The following NRM variants were observed in gnomAD, a reference collection of about 807,000 sequenced individuals.
NRM encodes nuclear rim protein.
In NRM, 19 loss-of-function variants were observed where a neutral mutation model predicts 23.4. The ratio of observed to expected loss-of-function variants is 0.81; its 90% CI spans 0.57 to 1.19. The LOEUF is 1.19. Ranked by LOEUF, NRM falls within the 50% of genes most tolerant of loss-of-function variation. The pLI, the probability that NRM is intolerant of heterozygous loss-of-function variation, is 0.00. For synonymous variants in NRM, 140 were observed against 143.5 expected (o/e 0.98, Z 0.17); for missense variants, 232 against 329.7 (o/e 0.70, Z 2.30).
Position 30,690,855 on chromosome 6 carries a change from C to T in NRM, c.120G>A (p.Glu40=). The part of the protein sequence containing the change: ...SLRPLLGGIP[E]SGGPDARQGW... ...CCTCCCGCTCACCCGGACCACCAGA[C>T]TCCGGGATCCCTCCAAGAAGTGGCC... is the stretch of plus-strand genomic sequence containing the variant. Residue 40 remains glutamate (E), a synonymous_variant, in exon 1 of 4, where the codon GAG becomes GAA. Transcript: ENST00000376421. This position sits in a 1 kb window ranked among gnomAD's most constrained non-coding sequence, Gnocchi z 5.5. 6.2e-7 allele frequency: 1 copy of T among 1,613,122 alleles called. No homozygotes were observed. Among genetic ancestry groups the T allele is most frequent in the Admixed American group, 1.7e-5 (1 of 60,026 alleles).
chr6:30,689,523 T>C lies in NRM; in HGVS notation c.331-71A>G, dbSNP rs1046222543. 21 of 1,435,342 alleles carry C rather than the reference T, an allele frequency of 1.5e-5. No homozygotes were observed. In the African/African-American group the frequency reaches 3.0e-4, roughly 21 times the overall value. 88.9% of individuals were successfully genotyped at this position (1,435,342 alleles called of 1,614,324 possible). On this transcript the variant is annotated intron_variant, in intron 2 of 3. Transcript: ENST00000376421. The surrounding 1 kb of genome is among the most constrained non-coding windows in gnomAD (Gnocchi z 4.7). ...CGACCTTGGGAGACCCAGACCCAGA[T>C]CTGCCCCCACCACAGGCTAGCCTGC...
rs1316338871 is a variant in NRM, at chr6:30,690,380, T to G, written c.134-137A>C. ...GCCTTAATGCTTCCTCTCTAGGCTG[T>G]GCCCATCTCACTTTTCCATCCCTAG... On this transcript the variant is annotated intron_variant, in intron 1 of 3. Coordinates refer to ENST00000376421, the MANE Select transcript of NRM (RefSeq NM_001384369.1). This position sits in a 1 kb window ranked among gnomAD's most constrained non-coding sequence, Gnocchi z 5.5. The G allele has an allele frequency of 8.6e-6, 9 of 1,046,002 alleles. No homozygotes were observed. The African/African-American group carries it at 1.4e-4, about 17-fold the overall frequency. The allele number at this position is 1,046,002 out of a possible 1,614,324, so 64.8% of individuals were successfully genotyped here.
rs1049838939 is a variant in NRM at position 30,689,138 on chromosome 6, G to A, written c.507+138C>T. On this transcript the variant is annotated intron_variant, in intron 3 of 3. Transcript: ENST00000376421. The surrounding 1 kb of genome is among the most constrained non-coding windows in gnomAD (Gnocchi z 4.7). ...GGAGGCCCATGCTTGCTGCCCTTAC[G>A]AGGGAAAGTCAAAGGGAAGGGCCAC... is the stretch of plus-strand genomic sequence containing the variant. 5 of 1,089,708 alleles carry A rather than the reference G, an allele frequency of 4.6e-6. No homozygotes were observed. Among genetic ancestry groups the A allele is most frequent in the Non-Finnish European group, 6.4e-6 (5 of 776,090 alleles). 67.5% of individuals were successfully genotyped at this position (1,089,708 alleles called of 1,614,324 possible). A position where few individuals can be genotyped will look rare whatever the true frequency, so the allele number is the denominator to read the frequency against.
chr6:30,691,005 G>A (rs776049502), upstream of NRM: 2 of 1,568,730 alleles, frequency 1.3e-6, no homozygotes, highest in Non-Finnish European at 1.7e-6. Flanking sequence ...GGAAAGGGGC[G>A]GGGTCGGGAT....
chr6:30,690,968 G>A lies in NRM; in HGVS notation c.7C>T (p.Pro3Ser). 6.2e-7 allele frequency: 1 copy of A among 1,611,928 alleles called. No individual in the cohort carries two copies. Among genetic ancestry groups the A allele is most frequent in the Non-Finnish European group, 8.5e-7 (1 of 1,179,402 alleles). The change falls in exon 1 of 4, where the codon CCT becomes TCT. Residue 3 changes from proline (P) to serine (S), a missense_variant. By Grantham distance (74) the Pro-to-Ser change is moderately conservative (BLOSUM62 -1). Coordinates refer to ENST00000376421, the MANE Select transcript of NRM (RefSeq NM_001384369.1). The surrounding 1 kb of genome is among the most constrained non-coding windows in gnomAD (Gnocchi z 5.5). MA[P>S]ALLLIPAALA... ...GCAGCAGGGATCAGGAGCAGTGCAG[G>A]GGCCATGGCGAGAAATGGAGGGGTG...
Position 30,690,952 on chromosome 6 carries a change from A to T in NRM, c.23T>A (p.Ile8Asn). ...GATGAAAGAGGCGAGGGCAGCAGGGATCAGGAGCAGTGCAGGGGCCATGGC... is the reference window on the plus strand; with the variant it reads ...GATGAAAGAGGCGAGGGCAGCAGGGTTCAGGAGCAGTGCAGGGGCCATGGC... MAPALLL[I>N]PAALASFILA... The change falls in exon 1 of 4, where the codon ATC becomes AAC. Residue 8 changes from isoleucine (I) to asparagine (N), a missense_variant. By Grantham distance (149) the Ile-to-Asn change is moderately radical. Coordinates refer to ENST00000376421, the MANE Select transcript of NRM (RefSeq NM_001384369.1). This position sits in a 1 kb window ranked among gnomAD's most constrained non-coding sequence, Gnocchi z 5.5. 6.2e-7 allele frequency: 1 copy of T among 1,611,330 alleles called. No individual in the cohort carries two copies. The highest frequency in any genetic ancestry group is 1.7e-4 in the Middle Eastern group (1 of 6,052).
Position 30,688,426 on chromosome 6 carries a change from C to G in NRM, c.*235G>C. 1 of 599,138 alleles carries G rather than the reference C, an allele frequency of 1.7e-6. No individual in the cohort carries two copies. The highest frequency in any genetic ancestry group is 2.0e-5 in the South Asian group (1 of 48,818). The allele number at this position is 599,138 out of a possible 1,614,324, so 37.1% of individuals were successfully genotyped here. A position where few individuals can be genotyped will look rare whatever the true frequency, so the allele number is the denominator to read the frequency against. On this transcript the variant is annotated 3_prime_UTR_variant, in exon 4 of 4. Transcript: ENST00000376421. This position sits in a 1 kb window ranked among gnomAD's most constrained non-coding sequence, Gnocchi z 5.9. Reference sequence around the variant, plus strand: ...CTCTAAACAGTGAAGGGACAGATGACTTCCATACCCCACTCTTCCTTGCTG... The same window carrying G: ...CTCTAAACAGTGAAGGGACAGATGAGTTCCATACCCCACTCTTCCTTGCTG...
Position 30,688,715 on chromosome 6 carries a change from C to G in NRM, c.735G>C (p.Gln245His), listed in dbSNP as rs1771218541. Residue 245 changes from glutamine (Q) to histidine (H), a missense_variant, in exon 4 of 4, where the codon CAG becomes CAC. Gln to His is a conservative substitution (Grantham distance 24). Coordinates refer to ENST00000376421, the MANE Select transcript of NRM (RefSeq NM_001384369.1). The surrounding 1 kb of genome is among the most constrained non-coding windows in gnomAD (Gnocchi z 5.9). ...DQQDLRYLRA[Q>H]LQRKLHLLSR... ...AGAGCAGGTGGAGTTTTCTTTGTAG[C>G]TGGGCCCGGAGGTAGCGGAGGTCTT... 1.2e-6 allele frequency: 2 copies of G among 1,613,994 alleles called. No homozygotes were observed. The highest frequency in any genetic ancestry group is 2.2e-5 in the East Asian group (1 of 44,848).
chr6:30,690,092 G>A lies in NRM; in HGVS notation c.285C>T (p.Val95=), dbSNP rs756839908. Residue 95 remains valine (V), a synonymous_variant, in exon 2 of 4, where the codon GTC becomes GTT. Coordinates refer to ENST00000376421, the MANE Select transcript of NRM (RefSeq NM_001384369.1). The surrounding 1 kb of genome is among the most constrained non-coding windows in gnomAD (Gnocchi z 5.5). The part of the protein sequence containing the change: ...VKAWTSRYFG[V]LQRSLYVACT... Reference sequence around the variant, plus strand: ...AGGCCACATACAGTGACCTCTGAAGGACCCCAAAGTACCGGGATGTCCATG... The same window carrying A: ...AGGCCACATACAGTGACCTCTGAAGAACCCCAAAGTACCGGGATGTCCATG... The A allele has an allele frequency of 1.2e-6, 2 of 1,612,672 alleles. No homozygotes were observed. The highest frequency in any genetic ancestry group is 3.3e-5 in the Admixed American group (2 of 59,926).
At position 30,689,405 on chromosome 6, in the gene NRM, C is replaced by T; in HGVS notation, c.378G>A (p.Trp126Ter). 6.4e-7 allele frequency: 1 copy of T among 1,573,054 alleles called. No individual in the cohort carries two copies. The highest frequency in any genetic ancestry group is 1.8e-5 in the Admixed American group (1 of 54,236). ...WEPIPKGPVL[W>*]EARAEPWATW... is the part of the protein sequence containing the mutation. Reference sequence around the variant, plus strand: ...TGGCCCATGGCTCAGCCCGAGCCTCCCACAACACAGGGCCTTTGGGTATGG... The same window carrying T: ...TGGCCCATGGCTCAGCCCGAGCCTCTCACAACACAGGGCCTTTGGGTATGG... Residue 126 changes from tryptophan (W) to a stop codon, truncating the protein, a stop_gained, in exon 3 of 4, where the codon TGG becomes TGA. Coordinates refer to ENST00000376421, the MANE Select transcript of NRM (RefSeq NM_001384369.1). LOFTEE classifies it high-confidence loss of function. The surrounding 1 kb of genome is among the most constrained non-coding windows in gnomAD (Gnocchi z 4.7).
In NRM at chr6:30,688,621, T is replaced by C. The variant is rs2249059; in HGVS notation, c.*40A>G. On this transcript the variant is annotated 3_prime_UTR_variant, in exon 4 of 4. Coordinates refer to ENST00000376421, the MANE Select transcript of NRM (RefSeq NM_001384369.1). The surrounding 1 kb of genome is among the most constrained non-coding windows in gnomAD (Gnocchi z 5.9). ...TGGATGTTAAGGATTTAGAATTCAG[T>C]GGGAGAGGAAGAACAGGGCTTGTAA... is the stretch of plus-strand genomic sequence containing the variant. 0.015 allele frequency: 23,978 copies of C among 1,592,890 alleles called. 403 individuals are homozygous for C. Among genetic ancestry groups the C allele is most frequent in the East Asian group, 0.076 (3,401 of 44,632 alleles).
Position 30,688,887 on chromosome 6 carries a change from GC to G in NRM, c.562del (p.Ala188LeufsTer17). On this transcript the variant is annotated frameshift_variant, in exon 4 of 4. Coordinates refer to ENST00000376421, the MANE Select transcript of NRM (RefSeq NM_001384369.1). LOFTEE classifies it high-confidence loss of function. The surrounding 1 kb of genome is among the most constrained non-coding windows in gnomAD (Gnocchi z 5.9). ...GCGCAGGTGGGAGAAGAGTCTGAGAGCCCGGGGAGACTTCAGGGCCAGAGGC... is the reference window on the plus strand; with the variant it reads ...GCGCAGGTGGGAGAAGAGTCTGAGAGCCGGGGAGACTTCAGGGCCAGAGGC... Reference protein sequence around the residue: ...GEPLALKSPRALRLFSHLRHP... With the variant: ...GEPLALKSPRXLRLFSHLRHP... The G allele has an allele frequency of 6.2e-7, 1 of 1,613,854 alleles. No homozygotes were observed. Among genetic ancestry groups the G allele is most frequent in the Non-Finnish European group, 8.5e-7 (1 of 1,179,980 alleles).
Position 30,688,661 on chromosome 6 carries a change from T to C in NRM, c.789A>G (p.Ter263TrpextTer17). ...LSRPQDGEAE* is the reference protein window; with the variant it reads ...LSRPQDGEAEW ...AGGGCTTGTAACCAGAGTGAGCTCC[T>C]CACTCTGCCTCCCCATCCTGGGGCC... The change falls in exon 4 of 4, where the codon TGA becomes TGG. Residue 263 changes from the stop codon to tryptophan, a stop_lost. Coordinates refer to ENST00000376421, the MANE Select transcript of NRM (RefSeq NM_001384369.1). This position sits in a 1 kb window ranked among gnomAD's most constrained non-coding sequence, Gnocchi z 5.9. 1.2e-6 allele frequency: 2 copies of C among 1,613,270 alleles called. No individual in the cohort carries two copies. Among genetic ancestry groups the C allele is most frequent in the Non-Finnish European group, 1.7e-6 (2 of 1,179,536 alleles).
Position 30,690,569 on chromosome 6 carries a change from A to G in NRM, c.133+273T>C. On this transcript the variant is annotated intron_variant, in intron 1 of 3. Coordinates refer to ENST00000376421, the MANE Select transcript of NRM (RefSeq NM_001384369.1). This position sits in a 1 kb window ranked among gnomAD's most constrained non-coding sequence, Gnocchi z 5.5. ...TTCTTTTTAACACTCTCCTCTCAAC[A>G]GTCCTCTCTACAAAACACTTTACTT... 6.5e-7 allele frequency: 1 copy of G among 1,542,808 alleles called. No individual in the cohort carries two copies. Among genetic ancestry groups the G allele is most frequent in the Non-Finnish European group, 8.8e-7 (1 of 1,142,466 alleles).
chr6:30,688,470 A>G lies in NRM; in HGVS notation c.*191T>C, dbSNP rs1771181453. 4.7e-6 allele frequency: 3 copies of G among 644,732 alleles called. No individual in the cohort carries two copies. Among genetic ancestry groups the G allele is most frequent in the Non-Finnish European group, 8.0e-6 (3 of 376,810 alleles). The allele number at this position is 644,732 out of a possible 1,614,324, so 39.9% of individuals were successfully genotyped here. ...CTTGCTGGTGAGAAGTGGACCTTGG[A>G]GTTCAGTGGCTGAAACTCAGAATTT... On this transcript the variant is annotated 3_prime_UTR_variant, in exon 4 of 4. Coordinates refer to ENST00000376421, the MANE Select transcript of NRM (RefSeq NM_001384369.1). This position sits in a 1 kb window ranked among gnomAD's most constrained non-coding sequence, Gnocchi z 5.9.
rs2249059 is a variant in NRM, at chr6:30,688,621, T to G, written c.*40A>C. 19,347 of 1,592,882 alleles carry G rather than the reference T, an allele frequency of 0.012. 321 individuals are homozygous for G. The highest frequency in any genetic ancestry group is 0.073 in the African/African-American group (5,460 of 74,364). On this transcript the variant is annotated 3_prime_UTR_variant, in exon 4 of 4. Coordinates refer to ENST00000376421, the MANE Select transcript of NRM (RefSeq NM_001384369.1). This position sits in a 1 kb window ranked among gnomAD's most constrained non-coding sequence, Gnocchi z 5.9. ...TGGATGTTAAGGATTTAGAATTCAG[T>G]GGGAGAGGAAGAACAGGGCTTGTAA...
chr6:30,689,439 T>C lies in NRM; in HGVS notation c.344A>G (p.Tyr115Cys). Reference sequence around the variant, plus strand: ...AGGGCCTTTGGGTATGGGCTCCCAGTACCGCATCACCAGCTGTGGAAGGAT... The same window carrying C: ...AGGGCCTTTGGGTATGGGCTCCCAGCACCGCATCACCAGCTGTGGAAGGAT... ...TALALQLVMR[Y>C]WEPIPKGPVL... Residue 115 changes from tyrosine (Y) to cysteine (C), a missense_variant, in exon 3 of 4, where the codon TAC (tyrosine) becomes TGC (cysteine). Coordinates refer to ENST00000376421, the MANE Select transcript of NRM (RefSeq NM_001384369.1). This position sits in a 1 kb window ranked among gnomAD's most constrained non-coding sequence, Gnocchi z 4.7. The C allele has an allele frequency of 6.3e-7, 1 of 1,574,970 alleles. No individual in the cohort carries two copies.
rs546598428 is a variant in NRM at position 30,689,559 on chromosome 6, C to G, written c.331-107G>C. 4.5e-6 allele frequency: 5 copies of G among 1,111,218 alleles called. No homozygotes were observed. Among genetic ancestry groups the G allele is most frequent in the African/African-American group, 3.2e-5 (2 of 62,888 alleles). 68.8% of individuals were successfully genotyped at this position (1,111,218 alleles called of 1,614,324 possible). The stretch of plus-strand genomic sequence containing the variant: ...CACAGGCTAGCCTGCAACTCTCCCC[C>G]ACCTCTCTCCTAAGCATCACCACCA... On this transcript the variant is annotated intron_variant, in intron 2 of 3. Transcript: ENST00000376421. This position sits in a 1 kb window ranked among gnomAD's most constrained non-coding sequence, Gnocchi z 4.7.
At position 30,688,569 on chromosome 6, in the gene NRM, G is replaced by A. The variant is rs1159268578; in HGVS notation, c.*92C>T. 7.1e-7 allele frequency: 1 copy of A among 1,410,358 alleles called. No homozygotes were observed. Among genetic ancestry groups the A allele is most frequent in the Non-Finnish European group, 9.8e-7 (1 of 1,025,210 alleles). The allele number at this position is 1,410,358 out of a possible 1,614,324, so 87.4% of individuals were successfully genotyped here. A position where few individuals can be genotyped will look rare whatever the true frequency, so the allele number is the denominator to read the frequency against. ...GCATCTCCTTCAGTCCATGGATTTG[G>A]GCCTCTGGCATGAAGCAGCCAGGGC... On this transcript the variant is annotated 3_prime_UTR_variant, in exon 4 of 4. Transcript: ENST00000376421. The surrounding 1 kb of genome is among the most constrained non-coding windows in gnomAD (Gnocchi z 5.9).
Sources: gnomAD v4.1 joint callset for allele counts on GRCh38, gnomAD v4.1.1 for gene constraint, Gnocchi (gnomAD v3.1) non-coding constraint, MANE v1.5 for transcripts, NCBI Gene and HGNC (gene_info 2026-07-23, HGNC 2026-07-21) for gene names.